Variants in OSBP observed in about 807,000 individuals in gnomAD.
OSBP encodes oxysterol-binding protein 1.
OSBP carries 32 observed loss-of-function variants against 96.6 expected under a neutral mutation model. That is an observed-to-expected ratio of 0.33 (90% confidence interval 0.25 to 0.45). The LOEUF (loss-of-function observed/expected upper bound fraction) is 0.45. Among genes scored for constraint, OSBP ranks in the 20% least tolerant of loss-of-function variants. The pLI is 1.00. For missense variants in OSBP, 653 were observed against 1,029.7 expected (o/e 0.63, Z 5.01); for synonymous variants, 369 against 389.6 (o/e 0.95, Z 0.62).
rs1239111627 is a variant in OSBP, at chr11:59,576,623, T to C, written c.2378A>G (p.Glu793Gly). 1.9e-6 allele frequency: 3 copies of C among 1,614,074 alleles called. No homozygotes were observed. Among genetic ancestry groups the C allele is most frequent in the Non-Finnish European group, 2.5e-6 (3 of 1,180,010 alleles). Residue 793 changes from glutamate to glycine, a missense_variant, in exon 14 of 14, where the codon GAG becomes GGG. Glu to Gly is a moderately conservative substitution (Grantham distance 98). Around this residue, in one of 6 missense-constraint regions of OSBP, gnomAD observed 169 missense variants for 251.5 expected, o/e 0.67. Coordinates refer to ENST00000263847, the MANE Select transcript of OSBP (RefSeq NM_002556.3). Reference sequence around the variant, plus strand: ...GCTCCAGTCCTGTTTTTCTTTACACTCCCAGTATTCTCCCCTATAAATATG... The same window carrying C: ...GCTCCAGTCCTGTTTTTCTTTACACCCCCAGTATTCTCCCCTATAAATATG... ...LTHIYRGEYW[E>G]CKEKQDWSSC...
intron 7 of OSBP, 122 bp downstream of exon 7, chr11:59,600,373 TA>T: frequency 9.9e-7 from 1 of 1,015,008 alleles, no homozygotes; most frequent in Non-Finnish European, 1.4e-6. Context: ...TTTATGATTA[TA>T]AAGGTAAAAA....
rs945960740 is a variant in OSBP at position 59,576,420 on chromosome 11, C to G, written c.*157G>C. 5.1e-6 allele frequency: 4 copies of G among 786,358 alleles called. No individual in the cohort carries two copies. The highest frequency in any genetic ancestry group is 6.1e-6 in the Non-Finnish European group (3 of 491,180). The allele number at this position is 786,358 out of a possible 1,614,324, so 48.7% of individuals were successfully genotyped here. A position where few individuals can be genotyped will look rare whatever the true frequency, so the allele number is the denominator to read the frequency against. ...TAAGGCAACCAGCCAATCACCACCA[C>G]TGGTGTCTCCTTCTGGTGATTGATT... On this transcript the variant is annotated 3_prime_UTR_variant, in exon 14 of 14. Coordinates refer to ENST00000263847, the MANE Select transcript of OSBP (RefSeq NM_002556.3).
intron 2 of OSBP, 72 bp from the exon 3 acceptor site, chr11:59,608,806 C>A: frequency 6.8e-7 from 1 of 1,476,072 alleles, no homozygotes; most frequent in Admixed American, 1.7e-5. Context: ...CCTACTCTGT[C>A]CAGAAACAAA....
At chr11:59,594,325 A>T (rs2134664026) in intron 7 of OSBP, 70 bp from the exon 8 acceptor site, 1 of 1,500,940 alleles carries the variant, frequency 6.7e-7, no homozygotes, top group East Asian at 2.3e-5. Flanking sequence ...TTTTTTTTGC[A>T]GTTTAGGAAA....
At chr11:59,581,639 C>T (rs1590667314) in intron 9 of OSBP, 85 bp from the exon 10 acceptor site, 1 of 614,812 alleles carries the variant, frequency 1.6e-6, no homozygotes, top group Non-Finnish European at 3.0e-6. Flanking sequence ...GGATTAATTT[C>T]CTTCTATTGA....
chr11:59,608,404 C>T (rs1565121119), intron 3 of OSBP, 80 bp downstream of exon 3: 2 of 1,566,010 alleles, frequency 1.3e-6, no homozygotes, highest in Non-Finnish European at 1.8e-6. Flanking sequence ...TTATCAATTA[C>T]AATTTTTAGG....
At chr11:59,605,010 G>C (rs1316036233) in intron 3 of OSBP, among the ~76,000 whole-genome samples, 1 of 149,886 alleles carries the variant, frequency 6.7e-6, no homozygotes, top group Non-Finnish European at 1.5e-5. Flanking sequence ...AAAATTAGTC[G>C]GGTGTGGTAG....
chr11:59,602,062 T>C (rs1422611812), intron 3 of OSBP, among the ~76,000 whole-genome samples: 1 of 152,176 alleles, frequency 6.6e-6, no homozygotes, highest in Non-Finnish European at 1.5e-5. Flanking sequence ...CTTTTACACT[T>C]TCCTGGTCAC....
At chr11:59,586,178 G>GAAAAAAAAAAAAAGAAAAAAAAAAA (rs1860497783) in intron 9 of OSBP, among the ~76,000 whole-genome samples, 1 of 60,400 alleles carries the variant, frequency 1.7e-5, no homozygotes, top group Admixed American at 1.4e-4. Context: ...AATAAATAAA[G>GAAAAAAAAAAAAAGAAAAAAAAAAA]AAAAAAAAAA....
At chr11:59,589,739 C>T (rs917429343) in intron 9 of OSBP, among the ~76,000 whole-genome samples, 3 of 152,096 alleles carry the variant, frequency 2.0e-5, no homozygotes, top group African/African-American at 7.2e-5. Flanking sequence ...AATCCCAGCA[C>T]TTTGGGAGGC....
Position 59,576,361 on chromosome 11 carries a change from A to G in OSBP, c.*216T>C, listed in dbSNP as rs1860361569. The G allele has an allele frequency of 5.4e-6, 3 of 553,854 alleles. No homozygotes were observed. In the South Asian group the frequency reaches 7.6e-5, roughly 14 times the overall value. 34.3% of individuals were successfully genotyped at this position (553,854 alleles called of 1,614,324 possible). ...CACTAAACCTCTCCCTTACAGACAT[A>G]GTATCTCCTATGTCGATTTCAGTTT... On this transcript the variant is annotated 3_prime_UTR_variant, in exon 14 of 14. Coordinates refer to ENST00000263847, the MANE Select transcript of OSBP (RefSeq NM_002556.3).
chr11:59,575,532 A>G lies in OSBP; in HGVS notation c.*1045T>C, dbSNP rs1209515914. The stretch of plus-strand genomic sequence containing the variant: ...ATTAGATTTTTCTCTACATATATAT[A>G]ATATACAGATATTTAACACATTATT... On this transcript the variant is annotated 3_prime_UTR_variant, in exon 14 of 14. Coordinates refer to ENST00000263847, the MANE Select transcript of OSBP (RefSeq NM_002556.3). 3 of 152,626 alleles carry G rather than the reference A, an allele frequency of 2.0e-5. No homozygotes were observed. The highest frequency in any genetic ancestry group is 7.2e-5 in the African/African-American group (3 of 41,442). 9.5% of individuals were successfully genotyped at this position (152,626 alleles called of 1,614,324 possible).
At chr11:59,598,733 G>A (rs1472570617) in intron 7 of OSBP, among the ~76,000 whole-genome samples, 2 of 152,116 alleles carry the variant, frequency 1.3e-5, no homozygotes, top group African/African-American at 2.4e-5. Flanking sequence ...GGGACTAGAG[G>A]TGTGCACCAC....
chr11:59,613,469 T>C (rs748452116), intron 1 of OSBP, among the ~76,000 whole-genome samples: 1 of 152,162 alleles, frequency 6.6e-6, no homozygotes, highest in Non-Finnish European at 1.5e-5. Flanking sequence ...CGGTAAGAAC[T>C]TGGATGAGAA....
At chr11:59,587,533 T>C (rs1442649457) in intron 9 of OSBP, among the ~76,000 whole-genome samples, 2 of 150,862 alleles carry the variant, frequency 1.3e-5, no homozygotes, top group Admixed American at 6.6e-5. Context: ...GCAAAGGACT[T>C]GAATAGGTAT....
chr11:59,602,711 G>C (rs1220985930), intron 3 of OSBP, among the ~76,000 whole-genome samples: 1 of 152,120 alleles, frequency 6.6e-6, no homozygotes, highest in Non-Finnish European at 1.5e-5. Flanking sequence ...CCTCAACCTC[G>C]TCGGGCTCAG....
chr11:59,595,944 A>T (rs542500415), intron 7 of OSBP, among the ~76,000 whole-genome samples: 6 of 138,562 alleles, frequency 4.3e-5, no homozygotes, highest in Non-Finnish European at 7.7e-5. Context: ...ACTCTGTCTA[A>T]AAATAAATAA....
chr11:59,603,370 C>T (rs1469649216), intron 3 of OSBP, among the ~76,000 whole-genome samples: 1 of 152,056 alleles, frequency 6.6e-6, no homozygotes, highest in East Asian at 1.9e-4. Flanking sequence ...AGGATATTTA[C>T]TCCCATGGTT....
intron 9 of OSBP, among the ~76,000 whole-genome samples, chr11:59,590,973 T>G (rs1483135892): frequency 1.3e-5 from 2 of 152,246 alleles, no homozygotes; most frequent in Non-Finnish European, 2.9e-5. Context: ...ATTTTTGTTT[T>G]GTTCACTTAC....
Sources: gnomAD v4.1 joint callset for allele counts (sites outside exome capture counted in the v4.1 genomes callset) on GRCh38, gnomAD v4.1.1 for gene constraint, gnomAD v4.1.1 regional missense constraint, MANE v1.5 for transcripts, NCBI Gene and HGNC (gene_info 2026-07-23, HGNC 2026-07-21) for gene names.